The following ADGRV1 variants were observed in gnomAD, a reference collection of about 807,000 sequenced individuals.
ADGRV1 encodes adhesion G protein-coupled receptor V1, also known as G-protein coupled receptor 98.
In ADGRV1, 359 loss-of-function variants were observed where a neutral mutation model predicts 596.2. The ratio of observed to expected loss-of-function variants is 0.60; its 90% CI spans 0.55 to 0.66. The LOEUF (loss-of-function observed/expected upper bound fraction) is 0.66, where lower values mean the gene tolerates loss of function less well. ADGRV1 is among the 30% of genes least tolerant of loss of function. The pLI is 0.00. For missense variants in ADGRV1, 7,274 were observed against 7,575.6 expected (o/e 0.96, Z 1.48); for synonymous variants, 2,681 against 2,679.2 (o/e 1.00, Z -0.02).
Position 90,558,889 on chromosome 5 carries a change from C to T in ADGRV1, c.-7C>T. 6.4e-7 allele frequency: 1 copy of T among 1,559,474 alleles called. No individual in the cohort carries two copies. The highest frequency in any genetic ancestry group is 8.7e-7 in the Non-Finnish European group (1 of 1,151,122). ...GAGGGCCGGCGGGGACCGCCGGGAG[C>T]GCGCGGATGTCGGTGTTCCTGGGGC... On this transcript the variant is annotated 5_prime_UTR_variant, in exon 1 of 90. Coordinates refer to ENST00000405460, the MANE Select transcript of ADGRV1 (RefSeq NM_032119.4).
chr5:90,720,347 T>A (rs1254272299), intron 44 of ADGRV1, 124 bp downstream of exon 44: 1 of 676,434 alleles, frequency 1.5e-6, no homozygotes, highest in Non-Finnish European at 2.4e-6. Flanking sequence ...TAAAATGAAC[T>A]CTAGAAAAGA....
chr5:90,709,021 T>C, intron 39 of ADGRV1, 112 bp downstream of exon 39: 1 of 691,390 alleles, frequency 1.4e-6, no homozygotes, highest in East Asian at 2.6e-5. Context: ...TAGCTATGTG[T>C]TAAAATATGA....
intron 85 of ADGRV1, among the ~76,000 whole-genome samples, chr5:91,053,820 A>G (rs1445330866): frequency 6.6e-6 from 1 of 152,194 alleles, no homozygotes; most frequent in African/African-American, 2.4e-5. Flanking sequence ...TCTCCATACC[A>G]AACTCTGATC....
chr5:90,703,847 T>A, intron 35 of ADGRV1, 52 bp downstream of exon 35: 1 of 1,378,678 alleles, frequency 7.3e-7, no homozygotes, highest in Non-Finnish European at 9.9e-7. Flanking sequence ...AATGGTGTAT[T>A]TTGAGGAAAA....
At chr5:90,580,882 G>A (rs757236556) in intron 1 of ADGRV1, among the ~76,000 whole-genome samples, 1 of 151,544 alleles carries the variant, frequency 6.6e-6, no homozygotes, top group South Asian at 2.1e-4. Context: ...GTCACTTTCA[G>A]GCACACCAAT....
chr5:90,711,374 T>C, intron 41 of ADGRV1, 52 bp downstream of exon 41: 2 of 1,433,116 alleles, frequency 1.4e-6, no homozygotes, highest in South Asian at 1.4e-5. Context: ...TTTATAATCA[T>C]TATTCCTTGA....
chr5:90,825,624 G>A (rs1764008641), intron 76 of ADGRV1, among the ~76,000 whole-genome samples: 1 of 152,164 alleles, frequency 6.6e-6, no homozygotes, highest in African/African-American at 2.4e-5. Context: ...AGAGAGAGGA[G>A]AAGAGCCATT....
At chr5:90,700,083 A>G (rs1353689388) in intron 34 of ADGRV1, among the ~76,000 whole-genome samples, 2 of 152,232 alleles carry the variant, frequency 1.3e-5, no homozygotes, top group Non-Finnish European at 2.9e-5. Context: ...AAAACATATT[A>G]AGCCACAATA....
chr5:90,778,798 T>C lies in ADGRV1; in HGVS notation c.12850-67T>C, dbSNP rs955808483. 8 of 1,294,870 alleles carry C rather than the reference T, an allele frequency of 6.2e-6. No homozygotes were observed. In the East Asian group the frequency reaches 1.4e-4, roughly 23 times the overall value. The allele number at this position is 1,294,870 out of a possible 1,614,324, so 80.2% of individuals were successfully genotyped here. The stretch of plus-strand genomic sequence containing the variant: ...ACACAATCCTGGTAAATAGAACGTT[T>C]AGTTACAGACAGTATTGTCTGGTAG... On this transcript the variant is annotated intron_variant, in intron 63 of 89. Coordinates refer to ENST00000405460, the MANE Select transcript of ADGRV1 (RefSeq NM_032119.4).
intron 1 of ADGRV1, among the ~76,000 whole-genome samples, chr5:90,603,900 A>G (rs369246904): frequency 5.3e-5 from 7 of 131,992 alleles, no homozygotes; most frequent in Admixed American, 5.2e-4. Context: ...GCCTGCACAC[A>G]CGTGTGTGCA....
At chr5:91,085,791 G>C (rs918325244) in intron 86 of ADGRV1, among the ~76,000 whole-genome samples, 1 of 152,116 alleles carries the variant, frequency 6.6e-6, no homozygotes, top group Non-Finnish European at 1.5e-5. Flanking sequence ...ACACTGCCTA[G>C]AAGAGCTTAC....
At chr5:90,773,058 A>G (rs1035922629) in intron 59 of ADGRV1, among the ~76,000 whole-genome samples, 8 of 152,064 alleles carry the variant, frequency 5.3e-5, no homozygotes, top group Non-Finnish European at 8.8e-5. Context: ...AATCCTAGCT[A>G]TTCGGGAGAC....
intron 50 of ADGRV1, among the ~76,000 whole-genome samples, chr5:90,731,669 A>G (rs1737174050): frequency 6.6e-6 from 1 of 152,188 alleles, no homozygotes; most frequent in South Asian, 2.1e-4. Context: ...TGGTGCTGAG[A>G]TTGGAGATAC....
intron 86 of ADGRV1, among the ~76,000 whole-genome samples, chr5:91,074,577 A>G (rs561888924): frequency 6.6e-6 from 1 of 152,248 alleles, no homozygotes; most frequent in African/African-American, 2.4e-5. Flanking sequence ...TCTACCACTG[A>G]TGGGTATTTA....
intron 70 of ADGRV1, among the ~76,000 whole-genome samples, chr5:90,795,678 C>T (rs1239676473): frequency 6.6e-6 from 1 of 152,208 alleles, no homozygotes; most frequent in Admixed American, 6.5e-5. Context: ...CAAGTGGATC[C>T]CTGACCCCCG....
chr5:90,790,206 A>G (rs1759912022), intron 69 of ADGRV1, among the ~76,000 whole-genome samples: 1 of 152,156 alleles, frequency 6.6e-6, no homozygotes, highest in Non-Finnish European at 1.5e-5. Context: ...TTCTCATTAG[A>G]ATTTTTCCAT....
At chr5:91,136,339 C>G (rs565453804) in intron 87 of ADGRV1, among the ~76,000 whole-genome samples, 3 of 152,152 alleles carry the variant, frequency 2.0e-5, no homozygotes, top group Admixed American at 2.0e-4. Flanking sequence ...GTATTTAGAC[C>G]TACACTTAAG....
chr5:90,920,618 T>G (rs183093264), intron 83 of ADGRV1, among the ~76,000 whole-genome samples: 1 of 152,334 alleles, frequency 6.6e-6, no homozygotes, highest in Non-Finnish European at 1.5e-5. Flanking sequence ...AAATATTTTA[T>G]TAGATGAATT....
rs543288868 is a variant in ADGRV1 at position 90,957,967 on chromosome 5, A to G, written c.17857-7448A>G. 5.3e-5 allele frequency among the ~76,000 whole-genome samples: 8 copies of G among 152,144 alleles called. 1 individual carries two copies. Among genetic ancestry groups the G allele is most frequent in the Admixed American group, 4.6e-4 (7 of 15,278 alleles). On this transcript the variant is annotated intron_variant, in intron 83 of 89. Transcript: ENST00000405460. ...TGATAGCTATCCCAATAATGCAAGG[A>G]TGACTTAAAATTCAAAAATTAATCA...
Sources: gnomAD v4.1 joint callset for allele counts (sites outside exome capture counted in the v4.1 genomes callset) on GRCh38, gnomAD v4.1.1 for gene constraint, MANE v1.5 for transcripts, NCBI Gene and HGNC (gene_info 2026-07-23, HGNC 2026-07-21) for gene names.